PTCHD4: variants seen among roughly 807,000 people sequenced by gnomAD.
PTCHD4 encodes the protein patched domain-containing protein 4.
A neutral mutation model predicts 58.1 loss-of-function variants in PTCHD4; 33 were observed. The ratio of observed to expected loss-of-function variants is 0.57; its 90% confidence interval spans 0.43 to 0.76. The LOEUF (loss-of-function observed/expected upper bound fraction) is 0.76, where lower values mean the gene tolerates loss of function less well. Among genes scored for constraint, PTCHD4 ranks in the 30% least tolerant of loss-of-function variants. The pLI is 0.00. For missense variants in PTCHD4, 1,058 were observed against 1,027.1 expected (o/e 1.03, Z -0.41); for synonymous variants, 478 against 409.6 (o/e 1.17, Z -2.02).
At chr6:48,006,757 T>C (rs1238937576) in intron 4 of PTCHD4, among the ~76,000 whole-genome samples, 2 of 152,242 alleles carry the variant, frequency 1.3e-5, no homozygotes, top group African/African-American at 4.8e-5. Context: ...AGCCAAGGGC[T>C]GTTTTCTATT....
rs531319848 is a variant in PTCHD4, at chr6:47,915,006, A to C, written c.899-35070T>G. Among the ~76,000 whole-genome samples, 19 of 152,212 alleles carry C rather than the reference A, an allele frequency of 1.2e-4. No homozygotes were observed. In the South Asian group the frequency reaches 3.7e-3, roughly 30 times the overall value. On this transcript the variant is annotated intron_variant, in intron 4 of 4. Transcript: ENST00000339488. ...CTCCAAAGCTACTTCCTGAATCTTT[A>C]TGAGAATTCATTTCAAATTTGGGCC... is the stretch of plus-strand genomic sequence containing the variant.
At chr6:48,101,104 C>A (rs1765594051) in intron 1 of PTCHD4, among the ~76,000 whole-genome samples, 1 of 151,524 alleles carries the variant, frequency 6.6e-6, no homozygotes. Flanking sequence ...AGAATAAGAA[C>A]AAATAGACAA....
intron 3 of PTCHD4, among the ~76,000 whole-genome samples, chr6:48,049,136 G>A (rs1562026487): frequency 6.6e-6 from 1 of 151,900 alleles, no homozygotes; most frequent in Non-Finnish European, 1.5e-5. Flanking sequence ...GTGCCTCAGG[G>A]GACACTTGGC....
chr6:48,045,767 A>T (rs75040584), intron 3 of PTCHD4, among the ~76,000 whole-genome samples: 12 of 147,970 alleles, frequency 8.1e-5, no homozygotes, highest in African/African-American at 3.0e-4. Flanking sequence ...GATTCCAGAG[A>T]TTTTTTTTTT....
At chr6:48,094,356 C>A (rs1765421659) in intron 1 of PTCHD4, among the ~76,000 whole-genome samples, 1 of 152,060 alleles carries the variant, frequency 6.6e-6, no homozygotes, top group Admixed American at 6.5e-5. Context: ...CTTGAGGGAA[C>A]TTGTTTGGAG....
At chr6:48,070,775 A>T (rs1420102959) in intron 1 of PTCHD4, among the ~76,000 whole-genome samples, 1 of 152,182 alleles carries the variant, frequency 6.6e-6, no homozygotes, top group East Asian at 1.9e-4. Context: ...TCACTTTTGC[A>T]TGCCACTGTC....
rs1465302918 is a variant in PTCHD4 at position 47,877,284 on chromosome 6, C to T, written c.*1019G>A. 3.3e-5 allele frequency among the ~76,000 whole-genome samples: 5 copies of T among 151,906 alleles called. No homozygotes were observed. Among genetic ancestry groups the T allele is most frequent in the Non-Finnish European group, 4.4e-5 (3 of 67,956 alleles). ...ATAAGAACGGTGTAACTATGGAGTA[C>T]CCCAACTCACATACACATACTTGTG... On this transcript the variant is annotated 3_prime_UTR_variant, in exon 5 of 5. Coordinates refer to ENST00000339488, the MANE Select transcript of PTCHD4 (RefSeq NM_001384253.1).
intron 4 of PTCHD4, among the ~76,000 whole-genome samples, chr6:47,976,062 TA>T (rs1165399048): frequency 6.6e-6 from 1 of 152,222 alleles, no homozygotes; most frequent in Non-Finnish European, 1.5e-5. Flanking sequence ...TCTGCTTTGG[TA>T]AAGCACTTCC....
intron 4 of PTCHD4, among the ~76,000 whole-genome samples, chr6:47,888,911 G>T (rs1764285391): frequency 9.6e-6 from 1 of 104,644 alleles, no homozygotes. Context: ...TGCGGTGTTT[G>T]GTTTTTTGTT....
chr6:47,995,611 T>C (rs1037678255), intron 4 of PTCHD4, among the ~76,000 whole-genome samples: 4 of 152,180 alleles, frequency 2.6e-5, no homozygotes, highest in South Asian at 2.1e-4. Flanking sequence ...TCTTGACCCA[T>C]AAGACAGAAG....
intron 4 of PTCHD4, among the ~76,000 whole-genome samples, chr6:47,927,943 C>T (rs767025901): frequency 1.3e-5 from 2 of 151,844 alleles, no homozygotes; most frequent in Non-Finnish European, 2.9e-5. Flanking sequence ...TTTTTGATCT[C>T]ATATGCACCA....
intron 4 of PTCHD4, among the ~76,000 whole-genome samples, chr6:47,887,986 C>T (rs565690778): frequency 4.6e-5 from 7 of 152,120 alleles, no homozygotes; most frequent in Non-Finnish European, 1.0e-4. Flanking sequence ...GGGAGGGCCT[C>T]GCTTTATCTT....
intron 3 of PTCHD4, among the ~76,000 whole-genome samples, chr6:48,044,693 T>G (rs1763972360): frequency 1.3e-5 from 2 of 151,864 alleles, no homozygotes; most frequent in South Asian, 4.1e-4. Flanking sequence ...GAAAAACAGG[T>G]ATTGGTATGC....
At chr6:48,110,041 C>A (rs1247021583) in intron 1 of PTCHD4, among the ~76,000 whole-genome samples, 1 of 152,060 alleles carries the variant, frequency 6.6e-6, no homozygotes, top group Admixed American at 6.6e-5. Context: ...CAGTTTAACA[C>A]AGCACGGAGG....
chr6:48,053,314 G>T (rs1764298916), intron 3 of PTCHD4, among the ~76,000 whole-genome samples: 1 of 152,096 alleles, frequency 6.6e-6, no homozygotes, highest in Non-Finnish European at 1.5e-5. Flanking sequence ...CAGCTAAAAA[G>T]TCAAAGAGTA....
intron 4 of PTCHD4, among the ~76,000 whole-genome samples, chr6:47,918,224 A>G (rs1765319723): frequency 9.8e-6 from 1 of 101,562 alleles, no homozygotes; most frequent in Non-Finnish European, 2.2e-5. Context: ...TGTGCATATT[A>G]CTGTATTTCT....
At chr6:48,010,850 G>C (rs1306669919) in intron 3 of PTCHD4, among the ~76,000 whole-genome samples, 1 of 152,050 alleles carries the variant, frequency 6.6e-6, no homozygotes, top group Non-Finnish European at 1.5e-5. Context: ...TTGGTTTTCT[G>C]TTCCTGTGTT....
At chr6:48,012,221 T>G (rs1029926082) in intron 3 of PTCHD4, among the ~76,000 whole-genome samples, 1 of 152,208 alleles carries the variant, frequency 6.6e-6, no homozygotes. Context: ...TGTTTTTCTA[T>G]TTGTTTGTGT....
chr6:47,922,449 C>T (rs150290004), intron 4 of PTCHD4, among the ~76,000 whole-genome samples: 43 of 152,306 alleles, frequency 2.8e-4, no homozygotes, highest in African/African-American at 9.9e-4. Context: ...CCCTGCCGGC[C>T]CAACTGGCTC....
Sources: allele counts gnomAD v4.1 joint callset (sites outside exome capture counted in the v4.1 genomes callset), GRCh38; gene constraint gnomAD v4.1.1; transcripts MANE v1.5; gene names NCBI Gene and HGNC (gene_info 2026-07-23, HGNC 2026-07-21).